PGAM5: variants seen among roughly 807,000 people sequenced by gnomAD.
PGAM5 encodes serine/threonine-protein phosphatase PGAM5, mitochondrial.
In PGAM5, 25 loss-of-function variants were observed where a neutral mutation model predicts 30.6. That is an observed-to-expected ratio of 0.82 (90% CI 0.60 to 1.14). The LOEUF is 1.14. Ranked by LOEUF, PGAM5 falls within the 50% of genes most tolerant of loss-of-function variation. The probability of loss-of-function intolerance (pLI) is 0.00; values close to 1 mark genes in which losing one functional copy is unlikely to be tolerated. For missense variants in PGAM5, 384 were observed against 408.5 expected (o/e 0.94, Z 0.52); for synonymous variants, 201 against 179.1 (o/e 1.12, Z -0.98).
At chr12:132,711,177 G>T in intron 1 of PGAM5, 110 bp downstream of exon 1, 1 of 871,160 alleles carries the variant, frequency 1.1e-6, no homozygotes, top group Non-Finnish European at 1.5e-6. Context: ...TCGGGATCTG[G>T]GGTCGCCGTC....
At chr12:132,715,147 G>C in intron 2 of PGAM5, 111 bp downstream of exon 2, 1 of 1,195,482 alleles carries the variant, frequency 8.4e-7, no homozygotes, top group South Asian at 1.6e-5. Flanking sequence ...CGACCCCCTT[G>C]GTCAGCTTTC....
chr12:132,717,579 C>T lies in PGAM5; in HGVS notation c.496+15C>T, dbSNP rs750583731. The T allele has an allele frequency of 3.4e-5, 54 of 1,609,536 alleles. No homozygotes were observed. The highest frequency in any genetic ancestry group is 3.6e-5 in the Non-Finnish European group (42 of 1,179,166). ...GCACCTGCCAGGTGAGTGCTGCGCG[C>T]GGGGCCTCCATGCTTGCAGCAGTGG... On this transcript the variant is annotated intron_variant, in intron 3 of 5. Transcript: ENST00000498926.
chr12:132,711,216 C>A (rs762863325), intron 1 of PGAM5, 149 bp downstream of exon 1: 7 of 584,814 alleles, frequency 1.2e-5, no homozygotes, highest in Middle Eastern at 6.0e-4. Flanking sequence ...AGCCGCTTTC[C>A]GGGGCCGCTC....
At chr12:132,719,171 G>A (rs1484763803) in intron 5 of PGAM5, 19 of 1,228,616 alleles carry the variant, frequency 1.5e-5, no homozygotes, top group Non-Finnish European at 1.8e-5. Flanking sequence ...AAACAAATTT[G>A]CCTCTTCTCT....
chr12:132,711,024 G>C lies in PGAM5; in HGVS notation c.148G>C (p.Gly50Arg). Residue 50 changes from glycine (G) to arginine (R), a missense_variant, in exon 1 of 6, where the codon GGC (glycine) becomes CGC (arginine). By Grantham distance (125) the Gly-to-Arg change is moderately radical. Transcript: ENST00000498926. Reference sequence around the variant, plus strand: ...GGCTGAGCCGCCGGCCTGGGCGGGGGGCGCGCGGCCGGGCCCCGGTGTCTG... The same window carrying C: ...GGCTGAGCCGCCGGCCTGGGCGGGGCGCGCGCGGCCGGGCCCCGGTGTCTG... ...RPAEPPAWAG[G>R]ARPGPGVWDP... 14 of 1,215,988 alleles carry C rather than the reference G, an allele frequency of 1.2e-5. No individual in the cohort carries two copies. The highest frequency in any genetic ancestry group is 1.4e-5 in the Non-Finnish European group (14 of 978,190). The allele number at this position is 1,215,988 out of a possible 1,614,324, so 75.3% of individuals were successfully genotyped here. A position where few individuals can be genotyped will look rare whatever the true frequency, so the allele number is the denominator to read the frequency against.
In PGAM5 at chr12:132,715,284, AC is replaced by A. The variant is rs757855111; in HGVS notation, c.370+250del. On this transcript the variant is annotated intron_variant, in intron 2 of 5. Coordinates refer to ENST00000498926, the MANE Select transcript of PGAM5 (RefSeq NM_001170543.2). The stretch of plus-strand genomic sequence containing the variant: ...AAGACAAGCTTTTCAAAATGTCCTT[AC>A]CTTGGCCGGGCGCGGTGGCTCACGC... 1.1e-4 allele frequency among the ~76,000 whole-genome samples: 16 copies of A among 152,256 alleles called. No individual in the cohort carries two copies. In the East Asian group the frequency reaches 3.1e-3, roughly 29 times the overall value.
chr12:132,719,472 G>A (rs2043621733), intron 5 of PGAM5, among the ~76,000 whole-genome samples: 1 of 152,210 alleles, frequency 6.6e-6, no homozygotes, highest in Admixed American at 6.5e-5. Flanking sequence ...CGGGTGGTGT[G>A]GCCTCAGGCT....
intron 5 of PGAM5, chr12:132,718,844 C>T (rs1299801811): frequency 4.3e-6 from 7 of 1,613,154 alleles, no homozygotes; most frequent in South Asian, 2.2e-5. Flanking sequence ...GGCGCTCCCA[C>T]CCGTGTGCCA....
intron 1 of PGAM5, among the ~76,000 whole-genome samples, chr12:132,714,198 A>G (rs2043550350): frequency 6.6e-6 from 1 of 151,718 alleles, no homozygotes; most frequent in Non-Finnish European, 1.5e-5. Flanking sequence ...TTGTATTTTG[A>G]GTAGAGGTGC....
At chr12:132,717,608 GCTCGTGGCAGGGC>G in intron 3 of PGAM5, 44 bp downstream of exon 3, 1 of 1,603,790 alleles carries the variant, frequency 6.2e-7, no homozygotes, top group African/African-American at 1.3e-5. Flanking sequence ...GCAGTGGGCG[GCTCGTGGCAGGGC>G]CCCGGCCTGA....
intron 2 of PGAM5, among the ~76,000 whole-genome samples, chr12:132,716,821 G>GC (rs906126111): frequency 6.6e-6 from 1 of 152,184 alleles, no homozygotes; most frequent in South Asian, 2.1e-4. Flanking sequence ...CACAGACGCC[G>GC]CCCCCCAGTC....
At chr12:132,718,826 G>C (rs2043614566) in intron 5 of PGAM5, 2 of 1,613,430 alleles carry the variant, frequency 1.2e-6, no homozygotes, top group East Asian at 4.5e-5. Flanking sequence ...TTCACTTGCT[G>C]ATCTGTGGGC....
At chr12:132,718,929 C>A in intron 5 of PGAM5, 3 of 1,556,234 alleles carry the variant, frequency 1.9e-6, no homozygotes, top group Non-Finnish European at 2.6e-6. Context: ...CGGGCTGCTC[C>A]CTCGGGGGGC....
At chr12:132,717,857 C>A in intron 4 of PGAM5, 59 bp downstream of exon 4, 3 of 1,587,338 alleles carry the variant, frequency 1.9e-6, no homozygotes, top group Non-Finnish European at 2.6e-6. Context: ...CAAAGCGGCC[C>A]TGCTGGGCTC....
intron 5 of PGAM5, chr12:132,718,662 G>A (rs1275390002): frequency 3.0e-6 from 4 of 1,313,588 alleles, no homozygotes; most frequent in South Asian, 1.2e-5. Flanking sequence ...CATGCTGGGC[G>A]TCCGCACTGC....
Position 132,718,074 on chromosome 12 carries a change from G to C in PGAM5, c.673G>C (p.Glu225Gln). Residue 225 changes from glutamate to glutamine, a missense_variant, in exon 5 of 6, where the codon GAG becomes CAG. Coordinates refer to ENST00000498926, the MANE Select transcript of PGAM5 (RefSeq NM_001170543.2). ...ADARQEEDSY[E>Q]IFICHANVIR... ...TGCCAGGCAGGAGGAGGACAGTTACGAGATCTTCATCTGTCACGCCAACGT... is the reference window on the plus strand; with the variant it reads ...TGCCAGGCAGGAGGAGGACAGTTACCAGATCTTCATCTGTCACGCCAACGT... 2 of 1,612,802 alleles carry C rather than the reference G, an allele frequency of 1.2e-6. No homozygotes were observed. The highest frequency in any genetic ancestry group is 1.7e-6 in the Non-Finnish European group (2 of 1,179,986).
chr12:132,720,579 T>G, intron 5 of PGAM5, 99 bp from the exon 6 acceptor site: 1 of 1,291,862 alleles, frequency 7.7e-7, no homozygotes, highest in Non-Finnish European at 1.0e-6. Flanking sequence ...GTGCTGGGAT[T>G]ACAGGTGTGA....
chr12:132,711,098 G>A (rs745913423), intron 1 of PGAM5, 31 bp downstream of exon 1: 642 of 1,198,590 alleles, frequency 5.4e-4, no homozygotes, highest in Non-Finnish European at 6.3e-4. Flanking sequence ...GGCCGGGGTC[G>A]GGATGGGGGT....
In PGAM5 at chr12:132,717,686, GC is replaced by G. The variant is rs750198526; in HGVS notation, c.497-23del. The G allele has an allele frequency of 3.4e-4, 537 of 1,565,126 alleles. 2 individuals are homozygous for G. The Admixed American group carries it at 3.6e-3, about 11-fold the overall frequency. On this transcript the variant is annotated intron_variant, in intron 3 of 5. Coordinates refer to ENST00000498926, the MANE Select transcript of PGAM5 (RefSeq NM_001170543.2). ...TCCGCCGGCGGGGCCGCCTCACCCA[GC>G]GCTTCGCTGTGCTTCTCTGCAGGCG...
Sources: gnomAD v4.1 joint callset for allele counts (sites outside exome capture counted in the v4.1 genomes callset) on GRCh38, gnomAD v4.1.1 for gene constraint, MANE v1.5 for transcripts, NCBI Gene and HGNC (gene_info 2026-07-23, HGNC 2026-07-21) for gene names.